MALRD1: variants seen among roughly 807,000 people sequenced by gnomAD.
MALRD1 encodes the protein MAM and LDL receptor class A domain containing 1.
A neutral mutation model predicts 242.1 loss-of-function variants in MALRD1; 247 were observed. That is an observed-to-expected ratio of 1.02 (90% CI 0.92 to 1.13). The LOEUF (loss-of-function observed/expected upper bound fraction) is 1.13. Among genes scored for constraint, MALRD1 ranks in the 50% most tolerant of loss-of-function variants. The pLI is 0.00. For synonymous variants in MALRD1, 995 were observed against 866.6 expected (o/e 1.15, Z -2.60); for missense variants, 2,989 against 2,533.1 (o/e 1.18, Z -3.86).
intron 28 of MALRD1, among the ~76,000 whole-genome samples, chr10:19,430,009 C>A (rs759507122): frequency 1.3e-5 from 2 of 151,788 alleles, no homozygotes; most frequent in African/African-American, 2.4e-5. Context: ...TTCTCAACAT[C>A]TCAGACTATT....
chr10:19,684,581 C>G (rs1842498146), intron 36 of MALRD1, among the ~76,000 whole-genome samples: 2 of 152,048 alleles, frequency 1.3e-5, no homozygotes, highest in Admixed American at 6.6e-5. Flanking sequence ...CATGGCGAAA[C>G]CCCGTCTCTA....
chr10:19,734,024 A>T (rs1352653120), intron 39 of MALRD1, 133 bp from the exon 40 acceptor site: 3 of 639,140 alleles, frequency 4.7e-6, no homozygotes, highest in Non-Finnish European at 7.9e-6. Context: ...CTGGAAGAAG[A>T]GTCAGGGATG....
At chr10:19,223,839 G>C (rs1588720746) in intron 18 of MALRD1, among the ~76,000 whole-genome samples, 1 of 152,066 alleles carries the variant, frequency 6.6e-6, no homozygotes, top group African/African-American at 2.4e-5. Context: ...GAGAATGATG[G>C]TTTCCAGCTT....
intron 26 of MALRD1, among the ~76,000 whole-genome samples, chr10:19,361,593 G>T (rs946589822): frequency 4.3e-4 from 66 of 152,198 alleles, no homozygotes; most frequent in African/African-American, 1.5e-3. Context: ...TTAACTGAAT[G>T]TTGGCTTATC....
chr10:19,176,366 CTTTTTTT>C (rs11443184), intron 14 of MALRD1, among the ~76,000 whole-genome samples: 4 of 87,296 alleles, frequency 4.6e-5, no homozygotes, highest in East Asian at 3.2e-4. Flanking sequence ...TTTCTGGGTG[CTTTTTTT>C]TTTTTTTTTT....
intron 22 of MALRD1, among the ~76,000 whole-genome samples, chr10:19,325,006 C>CTTTTTTTTTTTTTTTT (rs34290618): frequency 2.6e-5 from 2 of 77,948 alleles, no homozygotes; most frequent in African/African-American, 5.2e-5. Context: ...TCAGTAGTTG[C>CTTTTTTTTTTTTTTTT]TTTTTTTTTT....
chr10:19,260,997 T>C (rs1338989258), intron 19 of MALRD1, among the ~76,000 whole-genome samples: 1 of 152,190 alleles, frequency 6.6e-6, no homozygotes, highest in Admixed American at 6.5e-5. Context: ...TTACCTAAGC[T>C]GGTCTGATTT....
chr10:19,501,822 A>G (rs1837985562), intron 31 of MALRD1, among the ~76,000 whole-genome samples: 1 of 152,026 alleles, frequency 6.6e-6, no homozygotes. Flanking sequence ...GCTTGAACCC[A>G]GCAGTTCGAG....
At chr10:19,445,592 T>A (rs187217327) in intron 28 of MALRD1, among the ~76,000 whole-genome samples, 1,748 of 152,338 alleles carry the variant, frequency 0.011, 15 homozygotes, top group Non-Finnish European at 0.019. Context: ...TTTACCTGGG[T>A]ATCACCAGTG....
chr10:19,592,149 G>A (rs945313665), intron 33 of MALRD1, among the ~76,000 whole-genome samples: 26 of 152,192 alleles, frequency 1.7e-4, no homozygotes. Flanking sequence ...AGTGTTATAA[G>A]TCAGGTTCCC....
chr10:19,496,485 A>G (rs916959333), intron 30 of MALRD1, among the ~76,000 whole-genome samples: 18 of 152,218 alleles, frequency 1.2e-4, no homozygotes, highest in African/African-American at 4.3e-4. Context: ...CTAAAGTAGA[A>G]ATCAAGACAT....
intron 5 of MALRD1, among the ~76,000 whole-genome samples, chr10:19,119,106 C>A (rs567295079): frequency 6.6e-6 from 1 of 152,158 alleles, no homozygotes; most frequent in African/African-American, 2.4e-5. Context: ...ATTGATAATG[C>A]AGAAATTTGC....
chr10:19,530,684 A>G (rs1834374979), intron 31 of MALRD1, among the ~76,000 whole-genome samples: 1 of 151,680 alleles, frequency 6.6e-6, no homozygotes, highest in African/African-American at 2.4e-5. Context: ...ATACTAATGC[A>G]TTTGAGAAGA....
At chr10:19,232,909 T>C (rs1838147233) in intron 18 of MALRD1, among the ~76,000 whole-genome samples, 1 of 152,200 alleles carries the variant, frequency 6.6e-6, no homozygotes, top group Non-Finnish European at 1.5e-5. Flanking sequence ...ACACTTTTAC[T>C]TAATAGCAGC....
chr10:19,490,944 G>A (rs11010156), intron 29 of MALRD1: 77,023 of 172,260 alleles, frequency 0.45, 17,760 homozygotes, highest in Non-Finnish European at 0.51. Flanking sequence ...TGGGAGTCAG[G>A]AAAAGCAAAA....
intron 12 of MALRD1, among the ~76,000 whole-genome samples, chr10:19,163,484 G>C (rs983491378): frequency 4.7e-5 from 7 of 147,846 alleles, no homozygotes; most frequent in Non-Finnish European, 9.0e-5. Flanking sequence ...GGAAACAACA[G>C]ACACGGGGGT....
chr10:19,443,623 G>C (rs1338192894), intron 28 of MALRD1, among the ~76,000 whole-genome samples: 2 of 152,158 alleles, frequency 1.3e-5, no homozygotes, highest in Non-Finnish European at 2.9e-5. Flanking sequence ...CCATGTAGTT[G>C]AGCGGTTTTG....
At chr10:19,646,431 C>T (rs1007522659) in intron 36 of MALRD1, among the ~76,000 whole-genome samples, 7 of 152,118 alleles carry the variant, frequency 4.6e-5, no homozygotes, top group Non-Finnish European at 1.0e-4. Context: ...TGGCAAAACC[C>T]CATCTCTACT....
At chr10:19,312,400 A>ATATATATATATATGTG (rs1491220851) in intron 21 of MALRD1, among the ~76,000 whole-genome samples, 3 of 143,634 alleles carry the variant, frequency 2.1e-5, no homozygotes, top group South Asian at 4.3e-4. Context: ...ATATATATAT[A>ATATATATATATATGTG]TGTGTATATG....
Sources: allele counts gnomAD v4.1 joint callset (sites outside exome capture counted in the v4.1 genomes callset), GRCh38; gene constraint gnomAD v4.1.1; transcripts MANE v1.5; gene names NCBI Gene and HGNC (gene_info 2026-07-23, HGNC 2026-07-21).